The following LCLAT1 variants were observed in gnomAD, a reference collection of about 807,000 sequenced individuals.
LCLAT1 encodes the protein lysocardiolipin acyltransferase 1, also known as 1-AGP acyltransferase 8.
LCLAT1 carries 11 observed loss-of-function variants against 30.7 expected under a neutral mutation model. The ratio of observed to expected loss-of-function variants is 0.36; its 90% CI spans 0.23 to 0.59. LCLAT1 has a LOEUF of 0.59. LCLAT1 is among the 20% of genes least tolerant of loss of function. The probability of loss-of-function intolerance (pLI) is 0.77; values close to 1 mark genes in which losing one functional copy is unlikely to be tolerated. For missense variants in LCLAT1, 402 were observed against 458.6 expected (o/e 0.88, Z 1.13); for synonymous variants, 155 against 151.3 (o/e 1.02, Z -0.18).
At chr2:30,623,914 T>C (rs1457634989) in intron 5 of LCLAT1, among the ~76,000 whole-genome samples, 1 of 152,174 alleles carries the variant, frequency 6.6e-6, no homozygotes, top group Admixed American at 6.5e-5. Flanking sequence ...TAACAGCAGA[T>C]TTCTCACCAG....
chr2:30,480,447 G>C (rs1262341925), intron 1 of LCLAT1, among the ~76,000 whole-genome samples: 1 of 152,108 alleles, frequency 6.6e-6, no homozygotes, highest in African/African-American at 2.4e-5. Flanking sequence ...TACCTGCCTT[G>C]GCTTCCCAAA....
intron 1 of LCLAT1, among the ~76,000 whole-genome samples, chr2:30,461,871 C>T (rs1682155994): frequency 6.7e-6 from 1 of 149,282 alleles, no homozygotes; most frequent in Non-Finnish European, 1.5e-5. Flanking sequence ...CCCGGGTTCA[C>T]GCCATTCTCC....
At chr2:30,594,855 T>C (rs1666860041) in intron 5 of LCLAT1, among the ~76,000 whole-genome samples, 1 of 152,242 alleles carries the variant, frequency 6.6e-6, no homozygotes, top group South Asian at 2.1e-4. Context: ...ATTTGAATCT[T>C]GCTGTATAAC....
At chr2:30,516,441 C>T (rs942599435) in intron 1 of LCLAT1, among the ~76,000 whole-genome samples, 4 of 152,222 alleles carry the variant, frequency 2.6e-5, no homozygotes, top group African/African-American at 9.6e-5. Context: ...CGCTCCTGAT[C>T]AGGCTAGAGG....
chr2:30,637,199 C>T (rs967663157), intron 5 of LCLAT1, among the ~76,000 whole-genome samples: 4 of 152,004 alleles, frequency 2.6e-5, no homozygotes, highest in South Asian at 2.1e-4. Context: ...TTGTGGTTGG[C>T]GGGCAGAAAT....
At chr2:30,488,220 CTG>C (rs769414701) in intron 1 of LCLAT1, among the ~76,000 whole-genome samples, 2 of 152,198 alleles carry the variant, frequency 1.3e-5, no homozygotes, top group African/African-American at 4.8e-5. Context: ...GGTCTAGAGA[CTG>C]TGAATCACAG....
chr2:30,448,154 G>A (rs1681359983), intron 1 of LCLAT1, among the ~76,000 whole-genome samples: 1 of 152,208 alleles, frequency 6.6e-6, no homozygotes, highest in Admixed American at 6.5e-5. Context: ...TGTTTCTTGT[G>A]TACATGGCAG....
At chr2:30,584,665 C>G (rs1238025647) in intron 5 of LCLAT1, among the ~76,000 whole-genome samples, 1 of 152,142 alleles carries the variant, frequency 6.6e-6, no homozygotes, top group East Asian at 1.9e-4. Flanking sequence ...GTTGTAGATA[C>G]TGATGCAGCT....
At chr2:30,623,814 G>C (rs1176767431) in intron 5 of LCLAT1, among the ~76,000 whole-genome samples, 2 of 152,160 alleles carry the variant, frequency 1.3e-5, no homozygotes, top group African/African-American at 4.8e-5. Flanking sequence ...TAGTCATCAG[G>C]TTATCTGAAG....
At chr2:30,479,789 A>T (rs28716284) in intron 1 of LCLAT1, among the ~76,000 whole-genome samples, 119 of 152,348 alleles carry the variant, frequency 7.8e-4, no homozygotes, top group African/African-American at 2.6e-3. Flanking sequence ...AGAAGGCTGA[A>T]AGTATGTACC....
At chr2:30,482,947 A>G (rs559021796) in intron 1 of LCLAT1, among the ~76,000 whole-genome samples, 81 of 152,274 alleles carry the variant, frequency 5.3e-4, no homozygotes, top group Non-Finnish European at 9.7e-4. Context: ...AGTCGGAGAA[A>G]CTGTCATGGC....
intron 5 of LCLAT1, among the ~76,000 whole-genome samples, chr2:30,611,957 A>AT (rs975803196): frequency 6.6e-6 from 1 of 151,984 alleles, no homozygotes; most frequent in Non-Finnish European, 1.5e-5. Flanking sequence ...GCTCTGTGAA[A>AT]TTTTTTTCAA....
At chr2:30,578,504 T>C (rs1666083030) in intron 5 of LCLAT1, among the ~76,000 whole-genome samples, 1 of 152,158 alleles carries the variant, frequency 6.6e-6, no homozygotes, top group African/African-American at 2.4e-5. Flanking sequence ...TCCTGTATTT[T>C]TCTCATTGCA....
intron 5 of LCLAT1, among the ~76,000 whole-genome samples, chr2:30,568,711 G>A (rs888857267): frequency 2.0e-5 from 3 of 150,708 alleles, no homozygotes; most frequent in Non-Finnish European, 4.4e-5. Context: ...GTTTCAACAT[G>A]TTAGCCGGGA....
At chr2:30,633,709 G>C (rs1298518103) in intron 5 of LCLAT1, among the ~76,000 whole-genome samples, 1 of 152,048 alleles carries the variant, frequency 6.6e-6, no homozygotes, top group Non-Finnish European at 1.5e-5. Flanking sequence ...AATAAAATAA[G>C]TTACATGTTT....
intron 5 of LCLAT1, among the ~76,000 whole-genome samples, chr2:30,584,078 T>C (rs1287911556): frequency 6.6e-6 from 1 of 152,052 alleles, no homozygotes; most frequent in African/African-American, 2.4e-5. Context: ...CCTGTGTCCA[T>C]GTGTTCTCAT....
intron 1 of LCLAT1, chr2:30,459,781 C>A: frequency 8.8e-7 from 1 of 1,132,860 alleles, no homozygotes; most frequent in Non-Finnish European, 1.3e-6. Flanking sequence ...TATATCTGAA[C>A]ACAAAGCTTT....
At chr2:30,501,621 G>A (rs1406490839) in intron 1 of LCLAT1, among the ~76,000 whole-genome samples, 1 of 151,978 alleles carries the variant, frequency 6.6e-6, no homozygotes, top group Non-Finnish European at 1.5e-5. Flanking sequence ...GTTGCAGTGA[G>A]CCGAGATCAT....
intron 3 of LCLAT1, among the ~76,000 whole-genome samples, chr2:30,558,415 C>T (rs992896057): frequency 3.3e-5 from 5 of 152,000 alleles, no homozygotes; most frequent in African/African-American, 9.7e-5. Context: ...GCCTGGCCAA[C>T]ATGGCAAAAC....
Sources: allele counts gnomAD v4.1 joint callset (sites outside exome capture counted in the v4.1 genomes callset), GRCh38; gene constraint gnomAD v4.1.1; transcripts MANE v1.5; gene names NCBI Gene and HGNC (gene_info 2026-07-23, HGNC 2026-07-21).